CDH12: variants seen among roughly 807,000 people sequenced by gnomAD.
The protein encoded by CDH12 is cadherin 12.
A neutral mutation model predicts 74.1 loss-of-function variants in CDH12; 41 were observed. That is an observed-to-expected ratio of 0.55 (90% CI 0.43 to 0.72). The LOEUF is 0.72. CDH12 is among the 30% of genes least tolerant of loss of function. The pLI is 0.00. For synonymous variants in CDH12, 399 were observed against 355.0 expected (o/e 1.12, Z -1.39); for missense variants, 945 against 977.2 (o/e 0.97, Z 0.44).
chr5:22,237,224 G>A (rs1468818588), intron 3 of CDH12, among the ~76,000 whole-genome samples: 17 of 152,044 alleles, frequency 1.1e-4, no homozygotes. Context: ...CACTGATGTC[G>A]ATGTGGTCTG....
intron 3 of CDH12, among the ~76,000 whole-genome samples, chr5:22,358,539 A>G (rs892340525): frequency 6.6e-6 from 1 of 152,226 alleles, no homozygotes; most frequent in African/African-American, 2.4e-5. Context: ...AGTGACAGGC[A>G]TCTGGATAAT....
At chr5:22,746,369 T>C (rs1297540893) in intron 1 of CDH12, among the ~76,000 whole-genome samples, 3 of 152,128 alleles carry the variant, frequency 2.0e-5, no homozygotes, top group Non-Finnish European at 4.4e-5. Context: ...TACTAATGAG[T>C]AGTGCCAAAA....
At chr5:22,050,652 C>T (rs1580171088) in intron 5 of CDH12, among the ~76,000 whole-genome samples, 4 of 152,218 alleles carry the variant, frequency 2.6e-5, no homozygotes, top group African/African-American at 9.6e-5. Context: ...GCTGCACACA[C>T]CTGGAGTTAA....
chr5:21,832,878 TATA>T (rs1487193939), intron 8 of CDH12, among the ~76,000 whole-genome samples: 11 of 55,866 alleles, frequency 2.0e-4, no homozygotes, highest in Non-Finnish European at 3.0e-4. Context: ...TGATATATGA[TATA>T]ATATTAATAT....
intron 5 of CDH12, among the ~76,000 whole-genome samples, chr5:22,073,852 T>C (rs1742120180): frequency 6.6e-6 from 1 of 152,114 alleles, no homozygotes; most frequent in Non-Finnish European, 1.5e-5. Flanking sequence ...CTTTTAGATT[T>C]GAATGTAAGA....
intron 3 of CDH12, among the ~76,000 whole-genome samples, chr5:22,243,130 G>A (rs948785499): frequency 2.6e-5 from 4 of 152,062 alleles, no homozygotes; most frequent in African/African-American, 9.7e-5. Flanking sequence ...ATACTCATAA[G>A]AGTATTTTGA....
chr5:22,694,802 C>T (rs117703210), intron 1 of CDH12, among the ~76,000 whole-genome samples: 4,484 of 150,838 alleles, frequency 0.03, 252 homozygotes, highest in East Asian at 0.15. Context: ...TATATGTATA[C>T]ACACACACAT....
chr5:22,803,803 C>A (rs1002631647), intron 1 of CDH12, among the ~76,000 whole-genome samples: 2 of 152,168 alleles, frequency 1.3e-5, no homozygotes, highest in African/African-American at 2.4e-5. Context: ...GTTTTCAAAT[C>A]CTTTCGTGTG....
At chr5:22,657,259 T>C (rs987581662) in intron 1 of CDH12, among the ~76,000 whole-genome samples, 1 of 152,224 alleles carries the variant, frequency 6.6e-6, no homozygotes, top group Non-Finnish European at 1.5e-5. Flanking sequence ...TAAGCATTGA[T>C]TGGAAATGGG....
At chr5:22,394,431 A>G (rs1742371753) in intron 3 of CDH12, among the ~76,000 whole-genome samples, 1 of 152,124 alleles carries the variant, frequency 6.6e-6, no homozygotes, top group Non-Finnish European at 1.5e-5. Flanking sequence ...ATATAGAGCT[A>G]CTCAGCTGTA....
At chr5:22,793,714 A>G (rs1199684550) in intron 1 of CDH12, among the ~76,000 whole-genome samples, 5 of 151,640 alleles carry the variant, frequency 3.3e-5, no homozygotes, top group Non-Finnish European at 5.9e-5. Context: ...CAGGAACATC[A>G]TAAAGCCTGA....
chr5:22,678,361 C>G (rs946038737), intron 1 of CDH12, among the ~76,000 whole-genome samples: 1 of 152,002 alleles, frequency 6.6e-6, no homozygotes, highest in Admixed American at 6.6e-5. Context: ...AAATAATAAA[C>G]TTAACAATAT....
intron 4 of CDH12, among the ~76,000 whole-genome samples, chr5:22,079,915 A>C (rs1314015022): frequency 6.6e-6 from 1 of 152,130 alleles, no homozygotes; most frequent in Non-Finnish European, 1.5e-5. Context: ...AAAAAAGCAA[A>C]CAAGAATATC....
intron 1 of CDH12, among the ~76,000 whole-genome samples, chr5:22,796,299 A>C (rs1426390728): frequency 6.6e-6 from 1 of 152,084 alleles, no homozygotes; most frequent in Non-Finnish European, 1.5e-5. Flanking sequence ...ACTAATTTAC[A>C]TTCCCACCAA....
chr5:22,010,257 A>T (rs1561017340), intron 5 of CDH12, among the ~76,000 whole-genome samples: 1 of 152,126 alleles, frequency 6.6e-6, no homozygotes, highest in African/African-American at 2.4e-5. Flanking sequence ...TAATTAATGG[A>T]TTGTAAAATT....
intron 3 of CDH12, among the ~76,000 whole-genome samples, chr5:22,326,130 T>A (rs1369807032): frequency 6.6e-6 from 1 of 152,220 alleles, no homozygotes; most frequent in Non-Finnish European, 1.5e-5. Context: ...TCCCCCGTTC[T>A]CACCTAATGT....
At chr5:21,961,540 C>T (rs931819277) in intron 6 of CDH12, among the ~76,000 whole-genome samples, 3 of 152,118 alleles carry the variant, frequency 2.0e-5, no homozygotes, top group East Asian at 1.9e-4. Context: ...ATTAAGGATG[C>T]GACCTTATTT....
chr5:22,100,536 T>C (rs1406742965), intron 4 of CDH12, among the ~76,000 whole-genome samples: 2 of 152,092 alleles, frequency 1.3e-5, no homozygotes, highest in African/African-American at 2.4e-5. Context: ...AGTTTAACTC[T>C]TGATGTGTCT....
In CDH12 at chr5:22,441,368, T is replaced by A. The variant is rs189908195; in HGVS notation, c.-427-36017A>T. 1.9e-3 allele frequency among the ~76,000 whole-genome samples: 296 copies of A among 152,256 alleles called. 1 individual carries two copies. Among genetic ancestry groups the A allele is most frequent in the Non-Finnish European group, 3.0e-3 (205 of 68,020 alleles). On this transcript the variant is annotated intron_variant, in intron 2 of 14. Transcript: ENST00000382254. ...TGTGTTCCAGAGGGTAGCTTGCATA[T>A]CATTGAAGATATTTTTTTTTTGGTA...
Sources: gnomAD v4.1 joint callset for allele counts (sites outside exome capture counted in the v4.1 genomes callset) on GRCh38, gnomAD v4.1.1 for gene constraint, MANE v1.5 for transcripts, NCBI Gene and HGNC (gene_info 2026-07-23, HGNC 2026-07-21) for gene names.